The following ZNF578 variants were observed in gnomAD, a reference collection of about 807,000 sequenced individuals.
The protein encoded by ZNF578 is zinc finger protein 578, also known as Putative chemokine-related protein B42.
Under a neutral mutation model 8.3 loss-of-function variants are expected in ZNF578, and 8 were observed. That is an observed-to-expected ratio of 0.96 (90% CI 0.56 to 1.74). The LOEUF (loss-of-function observed/expected upper bound fraction) is 1.74, where lower values mean the gene tolerates loss of function less well. ZNF578 is among the 40% of genes most tolerant of loss of function. The pLI is 0.00. For synonymous variants in ZNF578, 206 were observed against 232.2 expected (o/e 0.89, Z 1.03); for missense variants, 726 against 707.5 (o/e 1.03, Z -0.30).
chr19:52,482,497 G>C (rs1052593167), intron 2 of ZNF578, among the ~76,000 whole-genome samples: 2 of 152,150 alleles, frequency 1.3e-5, no homozygotes, highest in East Asian at 3.9e-4. Context: ...ACTTAGCCGG[G>C]CGTGGTGGCA....
chr19:52,474,018 G>T, intron 2 of ZNF578: 1 of 395,740 alleles, frequency 2.5e-6, no homozygotes, highest in African/African-American at 2.1e-5. Context: ...CTCCAATGTC[G>T]TGCAAGGTGT....
At chr19:52,488,194 C>G (rs916299057) in intron 2 of ZNF578, among the ~76,000 whole-genome samples, 1 of 151,864 alleles carries the variant, frequency 6.6e-6, no homozygotes. Context: ...TCAAGTGATC[C>G]GCTGCCTGGG....
At chr19:52,471,552 G>A (rs2059291831) in intron 2 of ZNF578, among the ~76,000 whole-genome samples, 2 of 152,150 alleles carry the variant, frequency 1.3e-5, no homozygotes, top group South Asian at 4.1e-4. Flanking sequence ...GCACCAGCTG[G>A]AAGTTCAAAC....
chr19:52,501,722 G>C, intron 3 of ZNF578, 105 bp from the exon 4 acceptor site: 1 of 1,155,246 alleles, frequency 8.7e-7, no homozygotes, highest in Non-Finnish European at 1.2e-6. Context: ...GGGCAGTGGG[G>C]GGGGCTTCTT....
chr19:52,502,651 C>T (rs367824489), intron 4 of ZNF578, among the ~76,000 whole-genome samples: 68 of 152,222 alleles, frequency 4.5e-4, no homozygotes, highest in Middle Eastern at 3.4e-3. Context: ...GCAGGAGAAT[C>T]GCTTGAGCCC....
chr19:52,486,381 C>T (rs576573368), intron 2 of ZNF578, among the ~76,000 whole-genome samples: 35 of 152,302 alleles, frequency 2.3e-4, no homozygotes, highest in Admixed American at 2.0e-3. Context: ...GTATGCTGAG[C>T]GCCGGTCCCC....
In ZNF578 at chr19:52,486,325, A is replaced by G. The variant is rs767920758; in HGVS notation, c.-121-4999A>G. On this transcript the variant is annotated intron_variant, in intron 2 of 5. Coordinates refer to ENST00000421239, the MANE Select transcript of ZNF578 (RefSeq NM_001099694.2). Reference sequence around the variant, plus strand: ...TCTGAGATGGTAGAGATAGTGATCAATAAATACTGAGGGAACTCAGAGACC... The same window carrying G: ...TCTGAGATGGTAGAGATAGTGATCAGTAAATACTGAGGGAACTCAGAGACC... 4.5e-4 allele frequency among the ~76,000 whole-genome samples: 69 copies of G among 152,286 alleles called. No individual in the cohort carries two copies. The Middle Eastern group carries it at 0.014, about 30-fold the overall frequency.
At chr19:52,464,617 T>G (rs564922497) in intron 2 of ZNF578, among the ~76,000 whole-genome samples, 20 of 152,334 alleles carry the variant, frequency 1.3e-4, no homozygotes, top group Admixed American at 2.0e-4. Context: ...AATTGCCTTT[T>G]GTAAAGATGA....
At position 52,482,960 on chromosome 19, in the gene ZNF578, A is replaced by T. The variant is rs1004099558; in HGVS notation, c.-121-8364A>T. Among the ~76,000 whole-genome samples, 8 of 151,520 alleles carry T rather than the reference A, an allele frequency of 5.3e-5. 1 individual carries two copies. Among genetic ancestry groups the T allele is most frequent in the African/African-American group, 1.9e-4 (8 of 41,250 alleles). ...TGTCTCCCAAAAAAAAAAAAAAAAA[A>T]ATAGCCAAGGATGGTGGCATGCATC... On this transcript the variant is annotated intron_variant, in intron 2 of 5. Coordinates refer to ENST00000421239, the MANE Select transcript of ZNF578 (RefSeq NM_001099694.2).
intron 2 of ZNF578, among the ~76,000 whole-genome samples, chr19:52,466,679 T>C (rs2059276179): frequency 6.6e-6 from 1 of 152,218 alleles, no homozygotes; most frequent in Non-Finnish European, 1.5e-5. Flanking sequence ...GGACAACTGT[T>C]ATATAAGTTA....
intron 3 of ZNF578, among the ~76,000 whole-genome samples, chr19:52,500,682 C>G (rs1266174818): frequency 6.6e-6 from 1 of 151,856 alleles, no homozygotes. Flanking sequence ...TATGCTGGGT[C>G]TTTCTTTTGA....
chr19:52,474,950 G>C, intron 2 of ZNF578: 1 of 194,504 alleles, frequency 5.1e-6, no homozygotes, highest in Non-Finnish European at 1.2e-5. Flanking sequence ...TGCGACTAAA[G>C]ACTTTGCCAC....
chr19:52,493,392 T>A (rs1170583901), intron 3 of ZNF578, among the ~76,000 whole-genome samples: 1 of 152,128 alleles, frequency 6.6e-6, no homozygotes, highest in African/African-American at 2.4e-5. Context: ...ATTGGGCAGG[T>A]CCCAGGGGCT....
intron 4 of ZNF578, among the ~76,000 whole-genome samples, chr19:52,503,128 G>A (rs889414995): frequency 7.2e-5 from 11 of 152,194 alleles, no homozygotes; most frequent in African/African-American, 2.7e-4. Context: ...CTGACCTTGT[G>A]ATCTGCCTGT....
intron 2 of ZNF578, among the ~76,000 whole-genome samples, chr19:52,472,015 A>G (rs923176372): frequency 3.3e-5 from 5 of 152,172 alleles, no homozygotes; most frequent in Admixed American, 6.5e-5. Flanking sequence ...TTTTCATATT[A>G]CTATATTGGT....
At chr19:52,499,457 C>T (rs1599908196) in intron 3 of ZNF578, among the ~76,000 whole-genome samples, 1 of 152,274 alleles carries the variant, frequency 6.6e-6, no homozygotes, top group South Asian at 2.1e-4. Context: ...ACAGGCATCC[C>T]CACCTTCAGC....
At chr19:52,467,702 C>G (rs1169502182) in intron 2 of ZNF578, among the ~76,000 whole-genome samples, 1 of 152,000 alleles carries the variant, frequency 6.6e-6, no homozygotes, top group African/African-American at 2.4e-5. Context: ...GAGACATATA[C>G]AATGTCAATT....
intron 2 of ZNF578, among the ~76,000 whole-genome samples, chr19:52,488,558 G>A (rs1362724304): frequency 2.0e-5 from 3 of 151,498 alleles, no homozygotes; most frequent in Admixed American, 6.6e-5. Flanking sequence ...GCAGTGAGCC[G>A]AGATTGCGCC....
At position 52,514,367 on chromosome 19, in the gene ZNF578, C is replaced by T. The variant is rs1599923597; in HGVS notation, c.*2213C>T. 1.3e-5 allele frequency among the ~76,000 whole-genome samples: 2 copies of T among 152,116 alleles called. No individual in the cohort carries two copies. Among genetic ancestry groups the T allele is most frequent in the East Asian group, 1.9e-4 (1 of 5,188 alleles). On this transcript the variant is annotated 3_prime_UTR_variant, in exon 6 of 6. Coordinates refer to ENST00000421239, the MANE Select transcript of ZNF578 (RefSeq NM_001099694.2). ...GAAATTAGTTGCATCCAGTTCAGAT[C>T]GAGGTCTGCATGCTTTCTAGTCTTT...
Sources: allele counts gnomAD v4.1 joint callset (sites outside exome capture counted in the v4.1 genomes callset), GRCh38; gene constraint gnomAD v4.1.1; transcripts MANE v1.5; gene names NCBI Gene and HGNC (gene_info 2026-07-23, HGNC 2026-07-21).